The following NCKAP5 variants were observed in gnomAD, a reference collection of about 807,000 sequenced individuals.
NCKAP5 encodes nck-associated protein 5.
Under a neutral mutation model 167.0 loss-of-function variants are expected in NCKAP5, and 92 were observed. That is an observed-to-expected ratio of 0.55 (90% CI 0.47 to 0.66). NCKAP5 has a LOEUF of 0.66. NCKAP5 is among the 30% of genes least tolerant of loss of function. NCKAP5 has a pLI of 0.00. For missense variants in NCKAP5, 2,378 were observed against 2,315.0 expected (o/e 1.03, Z -0.56); for synonymous variants, 891 against 877.4 (o/e 1.02, Z -0.27).
chr2:132,717,390 C>T (rs982592966), intron 19 of NCKAP5, among the ~76,000 whole-genome samples: 9 of 152,158 alleles, frequency 5.9e-5, no homozygotes, highest in Non-Finnish European at 1.0e-4. Flanking sequence ...GAACCCAATG[C>T]TGATTTTGCA....
At chr2:132,992,032 G>A (rs543456361) in intron 7 of NCKAP5, among the ~76,000 whole-genome samples, 38 of 152,092 alleles carry the variant, frequency 2.5e-4, no homozygotes, top group Non-Finnish European at 4.4e-4. Flanking sequence ...GAATGCCCAG[G>A]GCACAAGGCT....
At chr2:133,165,614 AG>A (rs2149963670) in intron 5 of NCKAP5, among the ~76,000 whole-genome samples, 1 of 152,266 alleles carries the variant, frequency 6.6e-6, no homozygotes, top group Admixed American at 6.5e-5. Context: ...TGATAGAACA[AG>A]CAGGGTGTCC....
the NCKAP5 span, among the ~76,000 whole-genome samples, chr2:133,616,657 T>G: frequency 6.6e-6 from 1 of 151,956 alleles, no homozygotes; most frequent in East Asian, 1.9e-4. Context: ...GTGGCAATAA[T>G]CAATAGCTTA....
At chr2:133,231,549 C>T (rs1393673443) in intron 4 of NCKAP5, among the ~76,000 whole-genome samples, 1 of 152,166 alleles carries the variant, frequency 6.6e-6, no homozygotes, top group Non-Finnish European at 1.5e-5. Flanking sequence ...CAGCAAGTTA[C>T]TCCTGCTATC....
chr2:133,627,532 G>T, the NCKAP5 span, among the ~76,000 whole-genome samples: 1 of 152,090 alleles, frequency 6.6e-6, no homozygotes. Context: ...CCCAGCACCT[G>T]GGGAGATCGA....
the NCKAP5 span, among the ~76,000 whole-genome samples, chr2:133,653,474 C>T: frequency 1.3e-5 from 2 of 152,150 alleles, no homozygotes; most frequent in South Asian, 4.1e-4. Context: ...ACTTGTTAAC[C>T]CATCACCCCT....
chr2:133,449,931 T>C (rs1691440694), intron 3 of NCKAP5, among the ~76,000 whole-genome samples: 1 of 152,018 alleles, frequency 6.6e-6, no homozygotes, highest in African/African-American at 2.4e-5. Flanking sequence ...ACCTGCCAAA[T>C]GTCTGTGCAT....
At chr2:133,564,750 G>A (rs976850722) in intron 1 of NCKAP5, among the ~76,000 whole-genome samples, 1 of 152,134 alleles carries the variant, frequency 6.6e-6, no homozygotes, top group Admixed American at 6.5e-5. Context: ...CCTGAGGGAG[G>A]AGCACAGGCA....
chr2:133,235,248 C>T (rs1272680049), intron 4 of NCKAP5, among the ~76,000 whole-genome samples: 1 of 152,118 alleles, frequency 6.6e-6, no homozygotes, highest in African/African-American at 2.4e-5. Context: ...CAGACTTGCA[C>T]AGAGCAGTGA....
At chr2:133,269,769 A>G (rs2089425306) in intron 4 of NCKAP5, among the ~76,000 whole-genome samples, 1 of 152,210 alleles carries the variant, frequency 6.6e-6, no homozygotes, top group Admixed American at 6.5e-5. Context: ...TAATTATAGG[A>G]GCAGAGAAGG....
intron 3 of NCKAP5, among the ~76,000 whole-genome samples, chr2:133,352,473 G>C (rs755464349): frequency 2.0e-5 from 3 of 152,232 alleles, no homozygotes; most frequent in Non-Finnish European, 4.4e-5. Flanking sequence ...TTTGGGATAC[G>C]TTATGAGGCA....
intron 11 of NCKAP5, among the ~76,000 whole-genome samples, chr2:132,836,390 A>C (rs1046774271): frequency 1.3e-5 from 2 of 151,284 alleles, no homozygotes; most frequent in Admixed American, 6.6e-5. Context: ...TTCATGAACA[A>C]TCTCTTATTT....
chr2:132,699,900 G>A (rs914949799), intron 19 of NCKAP5, among the ~76,000 whole-genome samples: 31 of 152,162 alleles, frequency 2.0e-4, no homozygotes, highest in Non-Finnish European at 3.8e-4. Flanking sequence ...CTGAGGAATC[G>A]CCACACTGAC....
chr2:133,640,337 C>T, the NCKAP5 span, among the ~76,000 whole-genome samples: 1 of 152,276 alleles, frequency 6.6e-6, no homozygotes, highest in Non-Finnish European at 1.5e-5. Context: ...AGGAAATTCA[C>T]ATGAGTAGGG....
intron 7 of NCKAP5, among the ~76,000 whole-genome samples, chr2:132,964,987 T>C (rs376911889): frequency 7.7e-4 from 117 of 152,298 alleles, no homozygotes; most frequent in African/African-American, 2.4e-3. Context: ...TTATGAATTA[T>C]GTAAAAATAT....
intron 19 of NCKAP5, among the ~76,000 whole-genome samples, chr2:132,703,565 G>T (rs1418056790): frequency 6.6e-6 from 1 of 152,170 alleles, no homozygotes; most frequent in East Asian, 1.9e-4. Flanking sequence ...CAATGAGTCA[G>T]ATTTTCCTCT....
At chr2:133,397,761 A>G (rs1341121810) in intron 3 of NCKAP5, among the ~76,000 whole-genome samples, 3 of 152,332 alleles carry the variant, frequency 2.0e-5, no homozygotes, top group East Asian at 3.9e-4. Flanking sequence ...ATGTTACAAC[A>G]ATTTTCTACT....
chr2:132,761,042 TTTTTTCCCCC>T (rs992882437), intron 16 of NCKAP5, among the ~76,000 whole-genome samples: 13 of 113,674 alleles, frequency 1.1e-4, no homozygotes, highest in Non-Finnish European at 1.7e-4. Context: ...TTTCCTCCTC[TTTTTTCCCCC>T]TCTTTTTTCC....
At chr2:133,090,484 A>C (rs1573998356) in intron 6 of NCKAP5, among the ~76,000 whole-genome samples, 1 of 152,240 alleles carries the variant, frequency 6.6e-6, no homozygotes, top group East Asian at 2.0e-4. Flanking sequence ...CCACAGGCCA[A>C]GGATGGCTGG....
Sources: allele counts gnomAD v4.1 joint callset (sites outside exome capture counted in the v4.1 genomes callset), GRCh38; gene constraint gnomAD v4.1.1; transcripts MANE v1.5; gene names NCBI Gene and HGNC (gene_info 2026-07-23, HGNC 2026-07-21).